NT5DC2: variants seen among roughly 807,000 people sequenced by gnomAD.
The protein encoded by NT5DC2 is 5'-nucleotidase domain containing 2.
Under a neutral mutation model 70.0 loss-of-function variants are expected in NT5DC2, and 41 were observed. The observed-to-expected ratio is 0.59, with a 90% CI of 0.46 to 0.76. The LOEUF (loss-of-function observed/expected upper bound fraction) is 0.76, where lower values mean the gene tolerates loss of function less well. Ranked by LOEUF, NT5DC2 falls within the 30% of genes least tolerant of loss-of-function variation. The pLI is 0.00. For synonymous variants in NT5DC2, 299 were observed against 310.4 expected (o/e 0.96, Z 0.39); for missense variants, 705 against 783.2 (o/e 0.90, Z 1.19).
intron 10 of NT5DC2, 34 bp from the exon 11 acceptor site, chr3:52,525,329 T>C (rs1310745867): frequency 6.4e-7 from 1 of 1,555,244 alleles, no homozygotes; most frequent in Non-Finnish European, 8.8e-7. Context: ...CTGAGCCAAG[T>C]GTGCCTTGTC....
intron 10 of NT5DC2, chr3:52,526,411 C>A (rs1349420925): frequency 6.6e-6 from 1 of 152,354 alleles, no homozygotes; most frequent in Non-Finnish European, 1.5e-5. Flanking sequence ...GCCTTTAGAA[C>A]CCCTAGCCTG....
In NT5DC2 at chr3:52,525,309, G is replaced by T; in HGVS notation, c.1120-14C>A. ...AAACAGGTTTCCCTAGGGAGAGGAG[G>T]GGAATGCTGCTGAGCCAAGTGTGCC... On this transcript the variant is annotated splice_polypyrimidine_tract_variant and intron_variant, in intron 10 of 13. Transcript: ENST00000422318. The T allele has an allele frequency of 6.2e-7, 1 of 1,606,516 alleles. No homozygotes were observed. The highest frequency in any genetic ancestry group is 1.1e-5 in the South Asian group (1 of 90,308).
upstream of NT5DC2, chr3:52,534,110 C>T (rs114786994): frequency 6.2e-3 from 1,679 of 271,974 alleles, 31 homozygotes; most frequent in African/African-American, 0.037. Context: ...AGGCTCCGGA[C>T]GGCCGAGGCG....
chr3:52,526,897 C>A (rs2153235091), intron 10 of NT5DC2, among the ~76,000 whole-genome samples: 1 of 152,300 alleles, frequency 6.6e-6, no homozygotes. Context: ...CTGAGCTCAA[C>A]AAACTATCCT....
chr3:52,525,486 T>G, intron 10 of NT5DC2, 191 bp from the exon 11 acceptor site: 1 of 604,348 alleles, frequency 1.7e-6, no homozygotes, highest in Non-Finnish European at 3.0e-6. Flanking sequence ...TTCTGCCTGC[T>G]GCAGGAAGGT....
chr3:52,532,405 C>T (rs2079373034), intron 1 of NT5DC2: 9 of 985,420 alleles, frequency 9.1e-6, no homozygotes, highest in East Asian at 1.1e-4. Flanking sequence ...CCTGGGACCT[C>T]GAGGGTGGAC....
chr3:52,524,630 A>C lies in NT5DC2; in HGVS notation c.1514T>G (p.Leu505Arg), dbSNP rs1471556007. 1 of 1,613,150 alleles carries C rather than the reference A, an allele frequency of 6.2e-7. No homozygotes were observed. The change falls in exon 14 of 14, where the codon CTC becomes CGC. Residue 505 changes from leucine to arginine, a missense_variant. Physicochemically the swap from Leu to Arg is moderately radical, Grantham distance 102 (BLOSUM62 -2). Coordinates refer to ENST00000422318, the MANE Select transcript of NT5DC2 (RefSeq NM_001134231.2). The stretch of plus-strand genomic sequence containing the variant: ...CAGGCAGCTGAGGGAGGCCATGTAG[A>C]GGTCAGAGAAGCGCACGAGGCGCCT... Reference protein sequence around the residue: ...FSRRLVRFSDLYMASLSCLLN... With the variant: ...FSRRLVRFSDRYMASLSCLLN...
In NT5DC2 at chr3:52,524,683, G is replaced by A. The variant is rs923361114; in HGVS notation, c.1461C>T (p.Arg487=). 6.2e-7 allele frequency: 1 copy of A among 1,612,884 alleles called. No individual in the cohort carries two copies. Among genetic ancestry groups the A allele is most frequent in the African/African-American group, 1.3e-5 (1 of 75,066 alleles). The change falls in exon 14 of 14, where the codon CGC becomes CGT. Residue 487 remains arginine, a synonymous_variant. Transcript: ENST00000422318. ...AGAAGTAGGTGGGGTTGTGGAAGGT[G>A]CGGAAGATGCTGCCGAACTGCGCAT... ...LFNAQFGSIF[R]TFHNPTYFSR...
At chr3:52,525,318 G>A (rs1196259744) in intron 10 of NT5DC2, 23 bp from the exon 11 acceptor site, 1 of 1,588,798 alleles carries the variant, frequency 6.3e-7, no homozygotes, top group East Asian at 2.2e-5. Flanking sequence ...GGGGAATGCT[G>A]CTGAGCCAAG....
At chr3:52,534,314 A>G, upstream of NT5DC2, 1 of 689,416 alleles carries the variant, frequency 1.5e-6, no homozygotes, top group Non-Finnish European at 2.5e-6. Flanking sequence ...GCTCGGACTG[A>G]CTGCCCACTG....
rs1167657016 is a variant in NT5DC2, at chr3:52,531,369, G to GCCTTGCCCTTCCCATGGC, written c.233-2053_233-2036dup. ...TTCTGGTGTGTCACTAGGACCCTGG[G>GCCTTGCCCTTCCCATGGC]CCTTGCCCTTCCCATGGCCCTGAGT... On this transcript the variant is annotated intron_variant, in intron 1 of 13. Transcript: ENST00000422318. This position sits in a 1 kb window ranked among gnomAD's most constrained non-coding sequence, Gnocchi z 4.1. Among the ~76,000 whole-genome samples, 7 of 152,164 alleles carry GCCTTGCCCTTCCCATGGC rather than the reference G, an allele frequency of 4.6e-5. No individual in the cohort carries two copies. Among genetic ancestry groups the GCCTTGCCCTTCCCATGGC allele is most frequent in the African/African-American group, 1.4e-4 (6 of 41,450 alleles).
chr3:52,534,436 C>T, upstream of NT5DC2: 3 of 1,596,254 alleles, frequency 1.9e-6, no homozygotes, highest in Non-Finnish European at 2.6e-6. Flanking sequence ...GGGCAGCCGA[C>T]GTCCGCTAAC....
rs752062361 is a variant in NT5DC2, at chr3:52,524,643, G to A, written c.1501C>T (p.Arg501Cys). 10 of 1,613,088 alleles carry A rather than the reference G, an allele frequency of 6.2e-6. No homozygotes were observed. The highest frequency in any genetic ancestry group is 2.2e-5 in the East Asian group (1 of 44,886). Residue 501 changes from arginine (R) to cysteine (C), a missense_variant, in exon 14 of 14, where the codon CGC (arginine) becomes TGC (cysteine). By Grantham distance (180) the Arg-to-Cys change is radical. Coordinates refer to ENST00000422318, the MANE Select transcript of NT5DC2 (RefSeq NM_001134231.2). ...GAGGCCATGTAGAGGTCAGAGAAGC[G>A]CACGAGGCGCCTTGAGAAGTAGGTG... Reference protein sequence around the residue: ...NPTYFSRRLVRFSDLYMASLS... With the variant: ...NPTYFSRRLVCFSDLYMASLS...
At chr3:52,524,936 C>G (rs200738496) in intron 12 of NT5DC2, 27 bp downstream of exon 12, 5 of 1,612,472 alleles carry the variant, frequency 3.1e-6, no homozygotes, top group Non-Finnish European at 3.4e-6. Context: ...ACCGCCCTGG[C>G]CCTCCCACAG....
rs758509216 is a variant in NT5DC2 at position 52,525,027 on chromosome 3, G to A, written c.1283C>T (p.Thr428Met). The A allele has an allele frequency of 1.1e-5, 17 of 1,608,438 alleles. No homozygotes were observed. Among genetic ancestry groups the A allele is most frequent in the Admixed American group, 3.4e-5 (2 of 59,484 alleles). ...CGTCAGCGAGTGCATGTACTGCTCC[G>A]TGTTGATGATGCGGATCTCACGCTC... is the stretch of plus-strand genomic sequence containing the variant. ...ELEREIRIIN[T>M]EQYMHSLTWQ... The change falls in exon 12 of 14, where the codon ACG becomes ATG. Residue 428 changes from threonine (T) to methionine (M), a missense_variant. Transcript: ENST00000422318.
In NT5DC2 at chr3:52,525,675, T is replaced by C. The variant is rs2079251349; in HGVS notation, c.1120-380A>G. 5 of 197,846 alleles carry C rather than the reference T, an allele frequency of 2.5e-5. No homozygotes were observed. The South Asian group carries it at 4.9e-4, about 19-fold the overall frequency. 12.3% of individuals were successfully genotyped at this position (197,846 alleles called of 1,614,324 possible). On this transcript the variant is annotated intron_variant, in intron 10 of 13. Coordinates refer to ENST00000422318, the MANE Select transcript of NT5DC2 (RefSeq NM_001134231.2). ...AGTGCAGAGGGACCTGGCAGACCAA[T>C]GGCAGACCTCACCGGGGCCACCAGC...
chr3:52,530,943 A>AG (rs1486946671), intron 1 of NT5DC2, among the ~76,000 whole-genome samples: 5 of 152,160 alleles, frequency 3.3e-5, no homozygotes, highest in Non-Finnish European at 7.4e-5. Context: ...CCTGCCTTGC[A>AG]GGGGCCCCAG....
At chr3:52,533,455 T>A in intron 1 of NT5DC2, 51 bp downstream of exon 1, 2 of 1,467,060 alleles carry the variant, frequency 1.4e-6, no homozygotes, top group Non-Finnish European at 1.8e-6. Context: ...GGTCCGTCCA[T>A]CAGTCCACGC....
At chr3:52,525,921 G>A (rs1394399512) in intron 10 of NT5DC2, 3 of 152,430 alleles carry the variant, frequency 2.0e-5, no homozygotes, top group Non-Finnish European at 4.4e-5. Context: ...CTCAGAAGTG[G>A]AAGCGCTGGG....
Sources: allele counts gnomAD v4.1 joint callset (sites outside exome capture counted in the v4.1 genomes callset), GRCh38; gene constraint gnomAD v4.1.1; non-coding constraint Gnocchi (gnomAD v3.1); transcripts MANE v1.5; gene names NCBI Gene and HGNC (gene_info 2026-07-23, HGNC 2026-07-21).